Variants in XNDC1N observed in about 807,000 individuals in gnomAD.
The protein encoded by XNDC1N is XRCC1 N-terminal domain containing 1, N-terminal like, also known as protein XNDC1N.
chr11:71,896,336 C>G, the XNDC1N span, among the ~76,000 whole-genome samples: 2 of 152,032 alleles, frequency 1.3e-5, no homozygotes, highest in South Asian at 2.1e-4. Context: ...GGTTAGCAGA[C>G]GCTAGGAAGA....
chr11:71,875,431 T>C, the XNDC1N span, among the ~76,000 whole-genome samples: 1 of 152,030 alleles, frequency 6.6e-6, no homozygotes, highest in Non-Finnish European at 1.5e-5. Flanking sequence ...TAAAATATAC[T>C]TATAGGATAT....
At chr11:71,904,037 C>G in the XNDC1N span, 7 of 523,108 alleles carry the variant, frequency 1.3e-5, no homozygotes, top group Non-Finnish European at 2.7e-5. Context: ...ACGGTGGTCA[C>G]CCCCATGCTG....
chr11:71,893,853 C>G, the XNDC1N span: 1 of 943,914 alleles, frequency 1.1e-6, no homozygotes, highest in Non-Finnish European at 1.5e-6. Flanking sequence ...CCATCTGTTG[C>G]CCTCTGCACT....
chr11:71,889,168 A>C, the XNDC1N span, among the ~76,000 whole-genome samples: 1 of 152,214 alleles, frequency 6.6e-6, no homozygotes, highest in Non-Finnish European at 1.5e-5. Flanking sequence ...CAACATTTAC[A>C]CTGATTCTAG....
the XNDC1N span, chr11:71,894,126 T>C: frequency 5.9e-6 from 3 of 505,060 alleles, no homozygotes; most frequent in South Asian, 6.0e-5. Flanking sequence ...TGTCTTACTA[T>C]AAAATCGTCC....
At chr11:71,888,800 G>A in the XNDC1N span, among the ~76,000 whole-genome samples, 11 of 152,298 alleles carry the variant, frequency 7.2e-5, no homozygotes, top group Admixed American at 2.6e-4. Context: ...CACACTCACC[G>A]ACTACCAGAC....
the XNDC1N span, among the ~76,000 whole-genome samples, chr11:71,889,664 C>T: frequency 6.6e-6 from 1 of 152,136 alleles, no homozygotes; most frequent in Non-Finnish European, 1.5e-5. Flanking sequence ...CCTTTGTCTG[C>T]CCTGGCCAAA....
chr11:71,920,341 C>G, the XNDC1N span, among the ~76,000 whole-genome samples: 1 of 149,080 alleles, frequency 6.7e-6, no homozygotes, highest in South Asian at 2.1e-4. Context: ...GGAGTTTGCT[C>G]TTATTGCCTA....
At chr11:71,897,600 T>C in the XNDC1N span, among the ~76,000 whole-genome samples, 1 of 152,198 alleles carries the variant, frequency 6.6e-6, no homozygotes. Context: ...GAATGCTCGA[T>C]TCTGATCGGA....
the XNDC1N span, among the ~76,000 whole-genome samples, chr11:71,902,573 G>A: frequency 2.6e-5 from 4 of 152,218 alleles, no homozygotes; most frequent in African/African-American, 7.2e-5. Context: ...AAGACCCACC[G>A]ATTTGAGTAA....
the XNDC1N span, among the ~76,000 whole-genome samples, chr11:71,904,746 G>A: frequency 6.6e-6 from 1 of 152,002 alleles, no homozygotes; most frequent in Admixed American, 6.6e-5. Flanking sequence ...GCGCCATCAG[G>A]AGTAATATTC....
chr11:71,919,455 C>T, the XNDC1N span, among the ~76,000 whole-genome samples: 5 of 151,064 alleles, frequency 3.3e-5, no homozygotes, highest in Admixed American at 3.3e-4. Flanking sequence ...GTGGCACAAT[C>T]TCGGCTCACT....
At chr11:71,914,064 T>A in the XNDC1N span, among the ~76,000 whole-genome samples, 1 of 152,244 alleles carries the variant, frequency 6.6e-6, no homozygotes, top group South Asian at 2.1e-4. Context: ...AGGAGCTTAA[T>A]GTTGTTTTCA....
At chr11:71,884,988 T>C in the XNDC1N span, among the ~76,000 whole-genome samples, 1 of 151,866 alleles carries the variant, frequency 6.6e-6, no homozygotes, top group South Asian at 2.1e-4. Flanking sequence ...CAGCCCCTCT[T>C]GCCCCCCTGG....
At chr11:71,876,166 T>C in the XNDC1N span, among the ~76,000 whole-genome samples, 1 of 152,212 alleles carries the variant, frequency 6.6e-6, no homozygotes, top group South Asian at 2.1e-4. Context: ...TTATAAATTG[T>C]TTATTGAAAA....
chr11:71,908,969 G>C, the XNDC1N span, among the ~76,000 whole-genome samples: 1 of 152,180 alleles, frequency 6.6e-6, no homozygotes, highest in Admixed American at 6.5e-5. Context: ...GGGGAGCTCA[G>C]AAGGCCACAA....
the XNDC1N span, among the ~76,000 whole-genome samples, chr11:71,895,288 T>C: frequency 6.6e-6 from 1 of 152,208 alleles, no homozygotes; most frequent in African/African-American, 2.4e-5. Context: ...TTGTTTTTTC[T>C]TACCATTTCG....
chr11:71,897,152 C>A, the XNDC1N span, among the ~76,000 whole-genome samples: 2 of 152,298 alleles, frequency 1.3e-5, no homozygotes, highest in East Asian at 3.9e-4. Context: ...GCCACGCTTT[C>A]ATGACATCAG....
At chr11:71,905,831 G>T in the XNDC1N span, among the ~76,000 whole-genome samples, 1,721 of 152,030 alleles carry the variant, frequency 0.011, 110 homozygotes, top group Admixed American at 0.1. Flanking sequence ...ATCTCCCTAA[G>T]ATATTACAAA....
Sources: gnomAD v4.1 joint callset for allele counts (sites outside exome capture counted in the v4.1 genomes callset) on GRCh38, gnomAD v4.1.1 for gene constraint, MANE v1.5 for transcripts, NCBI Gene and HGNC (gene_info 2026-07-23, HGNC 2026-07-21) for gene names.